DLG2: variants seen among roughly 807,000 people sequenced by gnomAD.
DLG2 encodes the protein discs large MAGUK scaffold protein 2.
Under a neutral mutation model 132.5 loss-of-function variants are expected in DLG2, and 45 were observed. The observed-to-expected ratio is 0.34, with a 90% CI of 0.27 to 0.44. DLG2 has a LOEUF of 0.44. Ranked by LOEUF, DLG2 falls within the 20% of genes least tolerant of loss-of-function variation. DLG2 has a pLI of 1.00. For synonymous variants in DLG2, 424 were observed against 419.6 expected (o/e 1.01, Z -0.13); for missense variants, 1,045 against 1,196.9 (o/e 0.87, Z 1.87).
intron 11 of DLG2, among the ~76,000 whole-genome samples, chr11:84,013,205 A>T (rs2094980903): frequency 6.6e-6 from 1 of 152,178 alleles, no homozygotes. Context: ...CATGGAAAGC[A>T]GAGATTTTGA....
chr11:83,906,257 T>TCACACACACA (rs540642615), intron 15 of DLG2, among the ~76,000 whole-genome samples: 1 of 67,156 alleles, frequency 1.5e-5, no homozygotes, highest in Non-Finnish European at 3.2e-5. Context: ...TCTCTCTCTC[T>TCACACACACA]CACACACACA....
Position 85,515,292 on chromosome 11 carries a change from C to T in DLG2, c.40+83365G>A, listed in dbSNP as rs186450263. ...AATTAATGGAATATGAGTTCTCTAA[C>T]GGGGGCAGATACTGTGAGTAGTGGA... On this transcript the variant is annotated intron_variant, in intron 3 of 27. Transcript: ENST00000376104. Among the ~76,000 whole-genome samples, 330 of 151,914 alleles carry T rather than the reference C, an allele frequency of 2.2e-3. 2 individuals are homozygous for T. Among genetic ancestry groups the T allele is most frequent in the Non-Finnish European group, 4.0e-3 (268 of 67,806 alleles).
chr11:84,134,177 T>C (rs780749122), intron 9 of DLG2, among the ~76,000 whole-genome samples: 1 of 152,032 alleles, frequency 6.6e-6, no homozygotes, highest in Non-Finnish European at 1.5e-5. Context: ...CAGGCTATCA[T>C]GACATAGCGT....
intron 18 of DLG2, chr11:83,725,409 A>G (rs1424936928): frequency 6.5e-6 from 1 of 152,864 alleles, no homozygotes; most frequent in African/African-American, 2.4e-5. Context: ...TTAATTCTTC[A>G]GCTGCAGGCT....
At chr11:84,217,755 G>A (rs769001134) in intron 8 of DLG2, among the ~76,000 whole-genome samples, 6 of 152,330 alleles carry the variant, frequency 3.9e-5, no homozygotes, top group Non-Finnish European at 7.3e-5. Flanking sequence ...GTTTTTAAGA[G>A]AGATATTTAA....
intron 6 of DLG2, among the ~76,000 whole-genome samples, chr11:84,568,099 A>G (rs1592557442): frequency 1.3e-5 from 2 of 152,184 alleles, no homozygotes; most frequent in East Asian, 1.9e-4. Context: ...AGGAAATGGC[A>G]TGGCTAGACC....
intron 9 of DLG2, among the ~76,000 whole-genome samples, chr11:84,128,744 C>T (rs1392566196): frequency 6.6e-6 from 1 of 151,974 alleles, no homozygotes; most frequent in Non-Finnish European, 1.5e-5. Flanking sequence ...ATATACACTT[C>T]ATTGATATAA....
In DLG2 at chr11:84,008,923, G is replaced by GTT. The variant is rs548165150; in HGVS notation, c.920-28283_920-28282dup. ...TGTCTTTATCTACAGATTTTTTCTTGTTTTTTTTTTTTGTTGTTGTTGTTT... is the reference window on the plus strand; with the variant it reads ...TGTCTTTATCTACAGATTTTTTCTTGTTTTTTTTTTTTTTGTTGTTGTTGTTT... On this transcript the variant is annotated intron_variant, in intron 11 of 27. Coordinates refer to ENST00000376104, the MANE Select transcript of DLG2 (RefSeq NM_001142699.3). Among the ~76,000 whole-genome samples the GTT allele has an allele frequency of 2.3e-4, 32 of 138,696 alleles. 1 individual carries two copies. Among genetic ancestry groups the GTT allele is most frequent in the Admixed American group, 1.7e-3 (24 of 13,922 alleles). 91.0% of individuals were successfully genotyped at this position (138,696 alleles called of 152,430 possible). A position where few individuals can be genotyped will look rare whatever the true frequency, so the allele number is the denominator to read the frequency against.
chr11:84,688,035 G>T (rs2099739623), intron 6 of DLG2, among the ~76,000 whole-genome samples: 1 of 152,164 alleles, frequency 6.6e-6, no homozygotes, highest in African/African-American at 2.4e-5. Context: ...GTGTATATAT[G>T]TGATAGCAGA....
intron 6 of DLG2, among the ~76,000 whole-genome samples, chr11:84,732,379 C>A (rs960805035): frequency 6.6e-6 from 1 of 151,976 alleles, no homozygotes; most frequent in South Asian, 2.1e-4. Context: ...TACATTCCCA[C>A]CAGCAATGTA....
At chr11:84,337,314 G>C (rs1443242990) in intron 7 of DLG2, among the ~76,000 whole-genome samples, 2 of 152,154 alleles carry the variant, frequency 1.3e-5, no homozygotes, top group African/African-American at 4.8e-5. Context: ...TATGTACTTA[G>C]CTCAATAGTG....
chr11:84,482,830 T>C (rs985878599), intron 7 of DLG2, among the ~76,000 whole-genome samples: 1 of 152,158 alleles, frequency 6.6e-6, no homozygotes, highest in African/African-American at 2.4e-5. Context: ...GACTGCTGAA[T>C]GTCTGAATAA....
chr11:84,925,455 GC>G (rs1180485840), intron 6 of DLG2, among the ~76,000 whole-genome samples: 2 of 152,052 alleles, frequency 1.3e-5, no homozygotes, highest in African/African-American at 4.8e-5. Flanking sequence ...AAATCCCAGT[GC>G]TATACCTGTA....
At chr11:84,288,485 G>T (rs1232640193) in intron 7 of DLG2, among the ~76,000 whole-genome samples, 1 of 152,012 alleles carries the variant, frequency 6.6e-6, no homozygotes, top group African/African-American at 2.4e-5. Flanking sequence ...GCAGTTATTT[G>T]TTAAAATAAG....
At chr11:84,691,157 C>T (rs2057988777) in intron 6 of DLG2, among the ~76,000 whole-genome samples, 2 of 151,784 alleles carry the variant, frequency 1.3e-5, no homozygotes, top group South Asian at 4.1e-4. Context: ...ATGATATTCT[C>T]CAGTTGAAAG....
intron 4 of DLG2, among the ~76,000 whole-genome samples, chr11:85,241,117 T>C (rs1033885788): frequency 1.3e-5 from 2 of 151,768 alleles, no homozygotes; most frequent in Admixed American, 6.6e-5. Flanking sequence ...TGCACAGTTT[T>C]GGTAGATTTA....
At chr11:84,214,824 T>G (rs1159782861) in intron 8 of DLG2, among the ~76,000 whole-genome samples, 1 of 152,230 alleles carries the variant, frequency 6.6e-6, no homozygotes, top group East Asian at 1.9e-4. Flanking sequence ...AGTTATCTTT[T>G]CAGGCACTTA....
chr11:84,423,831 A>C (rs2098958277), intron 7 of DLG2, among the ~76,000 whole-genome samples: 1 of 152,226 alleles, frequency 6.6e-6, no homozygotes, highest in Admixed American at 6.5e-5. Context: ...TAGGCAATAC[A>C]CATTCAAGAA....
At chr11:85,521,599 G>A (rs1382220967) in intron 3 of DLG2, among the ~76,000 whole-genome samples, 3 of 151,960 alleles carry the variant, frequency 2.0e-5, no homozygotes, top group Non-Finnish European at 4.4e-5. Flanking sequence ...GGAAGGCTGA[G>A]AACAAGACAA....
Sources: allele counts gnomAD v4.1 joint callset (sites outside exome capture counted in the v4.1 genomes callset), GRCh38; gene constraint gnomAD v4.1.1; transcripts MANE v1.5; gene names NCBI Gene and HGNC (gene_info 2026-07-23, HGNC 2026-07-21).